The following FREM1 variants were observed in gnomAD, a reference collection of about 807,000 sequenced individuals.
FREM1 encodes the protein FRAS1-related extracellular matrix protein 1.
Under a neutral mutation model 210.1 loss-of-function variants are expected in FREM1, and 220 were observed. The observed-to-expected ratio is 1.05, with a 90% confidence interval of 0.94 to 1.17. The LOEUF is 1.17. FREM1 is among the 50% of genes most tolerant of loss of function. The pLI, the probability that FREM1 is intolerant of heterozygous loss-of-function variation, is 0.00. For synonymous variants in FREM1, 1,189 were observed against 980.2 expected (o/e 1.21, Z -3.98); for missense variants, 3,454 against 2,675.5 (o/e 1.29, Z -6.42).
chr9:14,836,717 G>A lies in FREM1; in HGVS notation c.1881+4730C>T, dbSNP rs747250821. ...TCCAAATGGTGCTGCAAACTGAACC[G>A]CATGTGGACATGCCATTCTTCCGAG... On this transcript the variant is annotated intron_variant, in intron 10 of 36. Coordinates refer to ENST00000380880, the MANE Select transcript of FREM1 (RefSeq NM_001379081.2). The surrounding 1 kb of genome is among the most constrained non-coding windows in gnomAD (Gnocchi z 4.9). Among the ~76,000 whole-genome samples the A allele has an allele frequency of 2.6e-4, 39 of 152,074 alleles. No individual in the cohort carries two copies. Among genetic ancestry groups the A allele is most frequent in the South Asian group, 6.2e-4 (3 of 4,824 alleles).
At chr9:14,881,455 G>T (rs1385954734) in intron 1 of FREM1, among the ~76,000 whole-genome samples, 2 of 152,172 alleles carry the variant, frequency 1.3e-5, no homozygotes. Flanking sequence ...TGTGTTTAAT[G>T]AATTCAAATA....
intron 1 of FREM1, among the ~76,000 whole-genome samples, chr9:14,873,792 C>A (rs1363222859): frequency 6.6e-6 from 1 of 152,032 alleles, no homozygotes; most frequent in Non-Finnish European, 1.5e-5. Context: ...CCTGCTTTCT[C>A]TTGTGGGCAT....
intron 10 of FREM1, among the ~76,000 whole-genome samples, chr9:14,837,919 C>T (rs1485193104): frequency 2.0e-5 from 3 of 152,166 alleles, no homozygotes; most frequent in East Asian, 3.9e-4. Flanking sequence ...ACTGAGTACT[C>T]ACTGTGCTAC....
At chr9:14,834,270 G>A (rs1454985904) in intron 10 of FREM1, among the ~76,000 whole-genome samples, 1 of 152,102 alleles carries the variant, frequency 6.6e-6, no homozygotes, top group South Asian at 2.1e-4. Context: ...AATTGGCTTT[G>A]GGTTGCCTTG....
At chr9:14,903,372 GGATGGTT>G (rs1839121019) in intron 1 of FREM1, among the ~76,000 whole-genome samples, 1 of 152,204 alleles carries the variant, frequency 6.6e-6, no homozygotes, top group Non-Finnish European at 1.5e-5. Context: ...AATTTGAAAT[GGATGGTT>G]GATGGCTTGA....
chr9:14,875,939 A>C (rs1588532453), intron 1 of FREM1, among the ~76,000 whole-genome samples: 1 of 152,098 alleles, frequency 6.6e-6, no homozygotes, highest in Admixed American at 6.5e-5. Flanking sequence ...CTAGAGGTCC[A>C]CTCTAGACCC....
intron 34 of FREM1, 40 bp downstream of exon 34, chr9:14,746,883 T>C (rs1842544542): frequency 1.2e-6 from 2 of 1,603,412 alleles, no homozygotes; most frequent in Non-Finnish European, 1.7e-6. Context: ...ATAGAGCACA[T>C]TGCGAATAAA....
At chr9:14,860,576 TATATACACATATATATAC>T (rs1829685023) in intron 3 of FREM1, among the ~76,000 whole-genome samples, 3 of 139,496 alleles carry the variant, frequency 2.2e-5, no homozygotes, top group Admixed American at 7.2e-5. Flanking sequence ...TATACACATA[TATATACACATATATATAC>T]ATATATACAC....
At chr9:14,792,396 G>A (rs146561995) in intron 22 of FREM1, among the ~76,000 whole-genome samples, 30 of 151,868 alleles carry the variant, frequency 2.0e-4, no homozygotes, top group Admixed American at 3.9e-4. Flanking sequence ...AAAGTTACAT[G>A]AATCACAAGT....
In FREM1 at chr9:14,737,512, A is replaced by G. The variant is rs777638529; in HGVS notation, c.6424T>C (p.Ser2142Pro). ...CTCTTTCCAAGCTTGGAGCGTTGAGAGGGCCCTCTTCTCCCATTGGTGAAG... is the reference window on the plus strand; with the variant it reads ...CTCTTTCCAAGCTTGGAGCGTTGAGGGGGCCCTCTTCTCCCATTGGTGAAG... ...VAFTNGRRGPSQRSKLGKSCV... is the reference protein window; with the variant it reads ...VAFTNGRRGPPQRSKLGKSCV... Residue 2142 changes from serine (S) to proline (P), a missense_variant, in exon 37 of 37, where the codon TCT (serine) becomes CCT (proline). Ser to Pro is a moderately conservative substitution (Grantham distance 74, BLOSUM62 -1). Coordinates refer to ENST00000380880, the MANE Select transcript of FREM1 (RefSeq NM_001379081.2). 2 of 1,612,976 alleles carry G rather than the reference A, an allele frequency of 1.2e-6. No individual in the cohort carries two copies. Among genetic ancestry groups the G allele is most frequent in the Non-Finnish European group, 1.7e-6 (2 of 1,179,388 alleles).
intron 15 of FREM1, among the ~76,000 whole-genome samples, chr9:14,814,046 G>A (rs1819874268): frequency 6.6e-6 from 1 of 152,088 alleles, no homozygotes; most frequent in Non-Finnish European, 1.5e-5. Flanking sequence ...CACCATCACA[G>A]GGTCTCTGCA....
chr9:14,804,296 A>G (rs941125657), intron 19 of FREM1, among the ~76,000 whole-genome samples: 8 of 152,192 alleles, frequency 5.3e-5, no homozygotes, highest in African/African-American at 1.9e-4. Flanking sequence ...TAAAACCATG[A>G]CAACTTTGGC....
At chr9:14,897,370 C>T (rs1443723183) in intron 1 of FREM1, among the ~76,000 whole-genome samples, 3 of 152,096 alleles carry the variant, frequency 2.0e-5, no homozygotes, top group Non-Finnish European at 4.4e-5. Flanking sequence ...GTGCCTGAAA[C>T]CATGTTCCTT....
intron 23 of FREM1, among the ~76,000 whole-genome samples, chr9:14,788,706 C>T (rs1389735): frequency 0.026 from 3,884 of 150,722 alleles, 69 homozygotes; most frequent in East Asian, 0.062. Flanking sequence ...TTTAAAATAA[C>T]GAATGGATTG....
At chr9:14,873,460 G>A (rs570448511) in intron 1 of FREM1, among the ~76,000 whole-genome samples, 2 of 152,246 alleles carry the variant, frequency 1.3e-5, no homozygotes, top group Admixed American at 1.3e-4. Context: ...TTTGTGTAGA[G>A]GTGTTTGCAG....
At chr9:14,882,401 A>G (rs79580046) in intron 1 of FREM1, among the ~76,000 whole-genome samples, 3,094 of 152,014 alleles carry the variant, frequency 0.02, 107 homozygotes, top group African/African-American at 0.069. Flanking sequence ...TTGAAAGAAT[A>G]GACTTGAATT....
At chr9:14,888,895 G>A (rs1295509314) in intron 1 of FREM1, among the ~76,000 whole-genome samples, 2 of 151,956 alleles carry the variant, frequency 1.3e-5, no homozygotes, top group Non-Finnish European at 2.9e-5. Flanking sequence ...TTAATTAAAG[G>A]ACAAAAACAC....
chr9:14,837,699 G>A (rs1824891435), intron 10 of FREM1, among the ~76,000 whole-genome samples: 1 of 152,152 alleles, frequency 6.6e-6, no homozygotes, highest in South Asian at 2.1e-4. Flanking sequence ...TCTGAACTTT[G>A]TAGATTAGCG....
chr9:14,868,847 C>A lies in FREM1; in HGVS notation c.131G>T (p.Gly44Val), dbSNP rs1263588820. The part of the protein sequence containing the change: ...VMKGHSAFLS[G>V]DDLKFAIPKE... ...AGGGATGGCAAACTTCAGGTCATCT[C>A]CTGACAGGAAGGCAGAGTGGCCCTT... Residue 44 changes from glycine to valine, a missense_variant, in exon 2 of 37, where the codon GGA (glycine) becomes GTA (valine). Transcript: ENST00000380880. The A allele has an allele frequency of 6.2e-7, 1 of 1,611,360 alleles. No homozygotes were observed. Among genetic ancestry groups the A allele is most frequent in the East Asian group, 2.2e-5 (1 of 44,836 alleles).
Sources: gnomAD v4.1 joint callset for allele counts (sites outside exome capture counted in the v4.1 genomes callset) on GRCh38, gnomAD v4.1.1 for gene constraint, Gnocchi (gnomAD v3.1) non-coding constraint, MANE v1.5 for transcripts, NCBI Gene and HGNC (gene_info 2026-07-23, HGNC 2026-07-21) for gene names.